SHOC2: variants seen among roughly 807,000 people sequenced by gnomAD.
SHOC2 encodes the protein leucine-rich repeat protein SHOC-2.
Under a neutral mutation model 50.2 loss-of-function variants are expected in SHOC2, and 4 were observed. The observed-to-expected ratio is 0.08, with a 90% CI of 0.04 to 0.18. SHOC2 has a LOEUF of 0.18. SHOC2 is among the 10% of genes least tolerant of loss of function. The pLI, the probability that SHOC2 is intolerant of heterozygous loss-of-function variation, is 1.00. For missense variants in SHOC2, 388 were observed against 669.6 expected, an observed-to-expected ratio of 0.58 and a Z score of 4.64; for synonymous variants, 218 against 244.5, an observed-to-expected ratio of 0.89 and a Z score of 1.01.
At chr10:110,999,736 C>CAAAAAAAAAAAAA (rs145780250) in intron 3 of SHOC2, among the ~76,000 whole-genome samples, 2 of 81,716 alleles carry the variant, frequency 2.4e-5, no homozygotes, top group Non-Finnish European at 4.6e-5. Context: ...GACTCAGTCT[C>CAAAAAAAAAAAAA]AAAAAAAAAA....
intron 1 of SHOC2, among the ~76,000 whole-genome samples, chr10:110,935,418 GA>G (rs1846987515): frequency 6.6e-6 from 1 of 152,106 alleles, no homozygotes; most frequent in South Asian, 2.1e-4. Flanking sequence ...ATATTCCCTT[GA>G]AAAAACTTCA....
chr10:111,001,250 C>T (rs1012922114), intron 4 of SHOC2, among the ~76,000 whole-genome samples: 16 of 151,314 alleles, frequency 1.1e-4, no homozygotes, highest in Non-Finnish European at 2.1e-4. Flanking sequence ...CCTCTGCCTC[C>T]TGGGTTCAAG....
chr10:110,963,393 TCCTCAGGTCTA>T (rs1383483352), intron 1 of SHOC2, among the ~76,000 whole-genome samples: 6 of 152,216 alleles, frequency 3.9e-5, no homozygotes, highest in Non-Finnish European at 1.5e-5. Flanking sequence ...TCAAAGGTGA[TCCTCAGGTCTA>T]CCTCCATCAG....
intron 1 of SHOC2, chr10:110,951,723 T>C (rs1474712083): frequency 6.6e-6 from 1 of 152,174 alleles, no homozygotes; most frequent in African/African-American, 2.4e-5. Flanking sequence ...ATTGGTGACA[T>C]GATCTGATCT....
At chr10:110,940,045 G>A (rs1731839565) in intron 1 of SHOC2, among the ~76,000 whole-genome samples, 1 of 152,130 alleles carries the variant, frequency 6.6e-6, no homozygotes, top group African/African-American at 2.4e-5. Context: ...TATGAATTAT[G>A]CATTTAGACA....
At chr10:110,942,080 T>C (rs1847157475) in intron 1 of SHOC2, among the ~76,000 whole-genome samples, 1 of 152,208 alleles carries the variant, frequency 6.6e-6, no homozygotes, top group South Asian at 2.1e-4. Context: ...TGTTTTGTAC[T>C]TTGAAGGGTT....
intron 3 of SHOC2, among the ~76,000 whole-genome samples, chr10:110,988,434 G>A (rs1264465834): frequency 6.6e-6 from 1 of 151,984 alleles, no homozygotes; most frequent in Admixed American, 6.5e-5. Context: ...GGTCATATGG[G>A]TCTTTCAAGG....
chr10:110,963,272 G>T (rs888468843), intron 1 of SHOC2, among the ~76,000 whole-genome samples: 1 of 152,074 alleles, frequency 6.6e-6, no homozygotes, highest in Non-Finnish European at 1.5e-5. Context: ...TTTTCGGCCT[G>T]TCATTTTACC....
At chr10:110,970,729 G>GTTTTTTTT (rs56760151) in intron 2 of SHOC2, among the ~76,000 whole-genome samples, 1 of 136,306 alleles carries the variant, frequency 7.3e-6, no homozygotes, top group Non-Finnish European at 1.6e-5. Context: ...TTGTGATGAT[G>GTTTTTTTT]TTTTTTTTTT....
At chr10:110,992,480 A>T (rs1848201902) in intron 3 of SHOC2, among the ~76,000 whole-genome samples, 2 of 152,314 alleles carry the variant, frequency 1.3e-5, no homozygotes, top group South Asian at 4.1e-4. Context: ...TACCTCTGGT[A>T]GTTTTATGTA....
chr10:110,937,672 T>G (rs1246899462), intron 1 of SHOC2, among the ~76,000 whole-genome samples: 2 of 152,208 alleles, frequency 1.3e-5, no homozygotes, highest in Non-Finnish European at 2.9e-5. Context: ...AAGATAACTT[T>G]AAGGGATAAA....
intron 1 of SHOC2, among the ~76,000 whole-genome samples, chr10:110,940,641 TTC>T (rs1847118708): frequency 6.6e-6 from 1 of 152,172 alleles, no homozygotes; most frequent in African/African-American, 2.4e-5. Flanking sequence ...AATTTACTGA[TTC>T]TGTTTATTGT....
chr10:110,986,265 A>T (rs969160018), intron 3 of SHOC2, among the ~76,000 whole-genome samples: 1 of 152,186 alleles, frequency 6.6e-6, no homozygotes, highest in Non-Finnish European at 1.5e-5. Flanking sequence ...AATTGCAAAA[A>T]ATTGAATTGA....
At chr10:110,923,616 A>C (rs1293959584) in intron 1 of SHOC2, among the ~76,000 whole-genome samples, 1 of 152,122 alleles carries the variant, frequency 6.6e-6, no homozygotes, top group African/African-American at 2.4e-5. Flanking sequence ...TCTCATTCCA[A>C]CTTCTCTAAA....
intron 2 of SHOC2, among the ~76,000 whole-genome samples, chr10:110,973,060 T>C (rs1178440086): frequency 6.6e-6 from 1 of 152,176 alleles, no homozygotes; most frequent in Non-Finnish European, 1.5e-5. Context: ...GAAGTCGTCT[T>C]TGCAATGAAA....
chr10:110,939,813 C>T (rs1847101184), intron 1 of SHOC2, among the ~76,000 whole-genome samples: 1 of 152,138 alleles, frequency 6.6e-6, no homozygotes, highest in South Asian at 2.1e-4. Flanking sequence ...AATTGGTGCA[C>T]AGGCCAGAGA....
Position 110,922,389 on chromosome 10 carries a change from TA to T in SHOC2, c.-235+2737del, listed in dbSNP as rs1287419233. Among the ~76,000 whole-genome samples, 3 of 152,146 alleles carry T rather than the reference TA, an allele frequency of 2.0e-5. 1 individual carries two copies. Among genetic ancestry groups the T allele is most frequent in the Admixed American group, 2.0e-4 (3 of 15,282 alleles). On this transcript the variant is annotated intron_variant, in intron 1 of 8. Coordinates refer to ENST00000369452, the MANE Select transcript of SHOC2 (RefSeq NM_007373.4). ...GGATAAATTATAGTTATATTTGCCT[TA>T]AAAATATGCTCATTTTCAATATTTG...
At chr10:110,962,607 A>C (rs548899480) in intron 1 of SHOC2, among the ~76,000 whole-genome samples, 1 of 152,140 alleles carries the variant, frequency 6.6e-6, no homozygotes, top group Non-Finnish European at 1.5e-5. Context: ...CAGATTATTC[A>C]TCCTCTACCC....
intron 2 of SHOC2, among the ~76,000 whole-genome samples, chr10:110,974,130 A>G (rs1009155280): frequency 6.6e-6 from 1 of 152,030 alleles, no homozygotes; most frequent in African/African-American, 2.4e-5. Context: ...CTTTCATTAT[A>G]TAACTATTTC....
Sources: allele counts gnomAD v4.1 joint callset (sites outside exome capture counted in the v4.1 genomes callset), GRCh38; gene constraint gnomAD v4.1.1; transcripts MANE v1.5; gene names NCBI Gene and HGNC (gene_info 2026-07-23, HGNC 2026-07-21).